Variants in ROBO1 observed in about 807,000 individuals in gnomAD.
ROBO1 encodes roundabout guidance receptor 1.
Under a neutral mutation model 195.9 loss-of-function variants are expected in ROBO1, and 149 were observed. The observed-to-expected ratio is 0.76, with a 90% CI of 0.67 to 0.87. The LOEUF (loss-of-function observed/expected upper bound fraction) is 0.87. Ranked by LOEUF, ROBO1 falls within the 40% of genes least tolerant of loss-of-function variation. The pLI is 0.00. For synonymous variants in ROBO1, 816 were observed against 733.2 expected, an observed-to-expected ratio of 1.11 and a Z score of -1.82; for missense variants, 1,933 against 2,068.3, an observed-to-expected ratio of 0.93 and a Z score of 1.27.
At chr3:79,262,835 A>G (rs538466060) in intron 2 of ROBO1, among the ~76,000 whole-genome samples, 1 of 152,190 alleles carries the variant, frequency 6.6e-6, no homozygotes, top group South Asian at 2.1e-4. Context: ...GTGCTCATAC[A>G]AATTTCATTT....
intron 17 of ROBO1, among the ~76,000 whole-genome samples, chr3:78,658,790 A>G (rs1006127983): frequency 2.6e-5 from 4 of 152,184 alleles, no homozygotes; most frequent in Admixed American, 6.5e-5. Context: ...CAGACCCTAT[A>G]CCAGGAGCTG....
intron 2 of ROBO1, among the ~76,000 whole-genome samples, chr3:79,523,458 T>A (rs1941295264): frequency 2.5e-5 from 3 of 121,670 alleles, no homozygotes; most frequent in African/African-American, 9.0e-5. Context: ...TGCATTTTTC[T>A]TTCTTTTTTT....
At chr3:79,503,041 C>G (rs542601299) in intron 2 of ROBO1, among the ~76,000 whole-genome samples, 1 of 152,150 alleles carries the variant, frequency 6.6e-6, no homozygotes, top group South Asian at 2.1e-4. Flanking sequence ...CAGTGACAAC[C>G]TCTCAGGTCT....
chr3:78,637,339 TTTTG>T (rs1705585276), intron 22 of ROBO1, among the ~76,000 whole-genome samples: 1 of 152,182 alleles, frequency 6.6e-6, no homozygotes, highest in Non-Finnish European at 1.5e-5. Context: ...TAATTTCTAG[TTTTG>T]TTTAACAGTG....
intron 3 of ROBO1, among the ~76,000 whole-genome samples, chr3:79,024,881 A>ATTCCTTACTG (rs1393270866): frequency 2.4e-4 from 37 of 152,310 alleles, no homozygotes; most frequent in Admixed American, 2.3e-3. Flanking sequence ...CCATATGTTT[A>ATTCCTTACTG]AGTCACTGCA....
intron 8 of ROBO1, among the ~76,000 whole-genome samples, chr3:78,704,192 T>C (rs1352364369): frequency 1.3e-5 from 2 of 152,218 alleles, no homozygotes; most frequent in East Asian, 1.9e-4. Context: ...TGCACTATTA[T>C]ATTGCCAGAT....
At chr3:79,000,773 A>G (rs2077483045) in intron 3 of ROBO1, among the ~76,000 whole-genome samples, 1 of 152,232 alleles carries the variant, frequency 6.6e-6, no homozygotes, top group Non-Finnish European at 1.5e-5. Context: ...ATTACTGGGT[A>G]TATACCCAAA....
At chr3:79,740,397 G>A (rs1005380990) in intron 1 of ROBO1, among the ~76,000 whole-genome samples, 2 of 151,784 alleles carry the variant, frequency 1.3e-5, no homozygotes, top group African/African-American at 2.4e-5. Flanking sequence ...AATTTTTACT[G>A]GAAAACTGTA....
In ROBO1 at chr3:78,668,355, AGCGGATAAAT is replaced by A. The variant is rs1575883228; in HGVS notation, c.1631-63_1631-54del. On this transcript the variant is annotated intron_variant, in intron 12 of 30. Coordinates refer to ENST00000464233, the MANE Select transcript of ROBO1 (RefSeq NM_002941.4). Reference sequence around the variant, plus strand: ...AAAGATGTTTACACATACACAGATAAGCGGATAAATGCAGATAACATATTCATACACCTAC... The same window carrying A: ...AAAGATGTTTACACATACACAGATAAGCAGATAACATATTCATACACCTAC... 6.2e-6 allele frequency: 10 copies of A among 1,604,162 alleles called. No homozygotes were observed. The East Asian group carries it at 2.0e-4, about 32-fold the overall frequency.
intron 1 of ROBO1, among the ~76,000 whole-genome samples, chr3:79,729,931 A>G (rs774976453): frequency 1.3e-5 from 2 of 152,202 alleles, no homozygotes; most frequent in Non-Finnish European, 2.9e-5. Context: ...TTTATGGCCC[A>G]TCCCATGATT....
intron 2 of ROBO1, among the ~76,000 whole-genome samples, chr3:79,304,648 T>C (rs983317964): frequency 6.6e-6 from 1 of 152,224 alleles, no homozygotes; most frequent in Non-Finnish European, 1.5e-5. Flanking sequence ...GGAAGTTTCA[T>C]CCATAATGAG....
intron 2 of ROBO1, among the ~76,000 whole-genome samples, chr3:79,336,816 G>C (rs1024285804): frequency 2.0e-5 from 3 of 152,214 alleles, no homozygotes; most frequent in African/African-American, 7.2e-5. Context: ...TGGAAGGGGG[G>C]CTGTACCCTG....
chr3:79,719,157 G>A (rs1001471255), intron 1 of ROBO1, among the ~76,000 whole-genome samples: 4 of 151,506 alleles, frequency 2.6e-5, no homozygotes, highest in Admixed American at 6.6e-5. Context: ...GGAACTAGTC[G>A]AAAATGAACT....
intron 8 of ROBO1, among the ~76,000 whole-genome samples, chr3:78,689,672 C>T (rs536445608): frequency 3.3e-5 from 5 of 152,112 alleles, no homozygotes; most frequent in South Asian, 2.1e-4. Context: ...TCTCTTGTCT[C>T]GGTTTAAATT....
intron 2 of ROBO1, among the ~76,000 whole-genome samples, chr3:79,173,640 C>A (rs947570359): frequency 3.3e-5 from 5 of 152,086 alleles, no homozygotes; most frequent in Non-Finnish European, 5.9e-5. Flanking sequence ...CCGAGCCTCC[C>A]GGATGAGCAC....
intron 2 of ROBO1, among the ~76,000 whole-genome samples, chr3:79,240,046 T>C (rs572132306): frequency 6.6e-6 from 1 of 152,298 alleles, no homozygotes; most frequent in Admixed American, 6.5e-5. Flanking sequence ...CATTTTTTTC[T>C]TGTGGTGAGA....
chr3:79,231,225 C>T (rs1392579362), intron 2 of ROBO1, among the ~76,000 whole-genome samples: 5 of 151,864 alleles, frequency 3.3e-5, no homozygotes, highest in South Asian at 2.1e-4. Flanking sequence ...AAATGGTATC[C>T]GATTAAACTA....
intron 4 of ROBO1, among the ~76,000 whole-genome samples, chr3:78,806,289 T>A (rs2084536903): frequency 6.6e-6 from 1 of 152,150 alleles, no homozygotes; most frequent in Non-Finnish European, 1.5e-5. Context: ...TCTCTAATTT[T>A]GAAATTATTT....
At chr3:79,328,566 A>G (rs1423020949) in intron 2 of ROBO1, among the ~76,000 whole-genome samples, 1 of 152,204 alleles carries the variant, frequency 6.6e-6, no homozygotes, top group Non-Finnish European at 1.5e-5. Flanking sequence ...TTATGCACAT[A>G]ATGTCAATCT....
Sources: allele counts gnomAD v4.1 joint callset (sites outside exome capture counted in the v4.1 genomes callset), GRCh38; gene constraint gnomAD v4.1.1; transcripts MANE v1.5; gene names NCBI Gene and HGNC (gene_info 2026-07-23, HGNC 2026-07-21).